LONRF1: variants seen among roughly 807,000 people sequenced by gnomAD.
LONRF1 encodes LON peptidase N-terminal domain and RING finger protein 1.
LONRF1 carries 37 observed loss-of-function variants against 85.8 expected under a neutral mutation model. The ratio of observed to expected loss-of-function variants is 0.43; its 90% CI spans 0.33 to 0.57. The LOEUF (loss-of-function observed/expected upper bound fraction) is 0.57, where lower values mean the gene tolerates loss of function less well. LONRF1 is among the 20% of genes least tolerant of loss of function. The pLI is 0.04. For missense variants in LONRF1, 1,036 were observed against 978.0 expected (o/e 1.06, Z -0.79); for synonymous variants, 517 against 390.1 (o/e 1.33, Z -3.83).
chr8:12,738,034 C>A lies in LONRF1; in HGVS notation c.1074G>T (p.Met358Ile). The change falls in exon 4 of 12, where the codon ATG becomes ATT. Residue 358 changes from methionine (M) to isoleucine (I), a missense_variant. By Grantham distance (10) the Met-to-Ile change is conservative (BLOSUM62 1). This residue lies in a region of LONRF1 where 742 missense variants were observed against 614.4 expected (regional missense o/e 1.21). Transcript: ENST00000398246. ...GTTCATTGAGAGACTGAGACTCTTCCATCACTGAATGAAAATCAAAAGGTC... is the reference window on the plus strand; with the variant it reads ...GTTCATTGAGAGACTGAGACTCTTCAATCACTGAATGAAAATCAAAAGGTC... ...KNRPFDFHSVMEESQSLNEPS... is the reference protein window; with the variant it reads ...KNRPFDFHSVIEESQSLNEPS... The A allele has an allele frequency of 6.2e-7, 1 of 1,610,624 alleles. No individual in the cohort carries two copies. Among genetic ancestry groups the A allele is most frequent in the Non-Finnish European group, 8.5e-7 (1 of 1,178,554 alleles).
chr8:12,751,296 GTTTTTTT>G (rs869038024), intron 1 of LONRF1, among the ~76,000 whole-genome samples: 8 of 69,558 alleles, frequency 1.2e-4, no homozygotes, highest in African/African-American at 3.1e-4. Flanking sequence ...TTATTTTTAT[GTTTTTTT>G]TTTTTTTTTT....
chr8:12,729,418 G>T, intron 8 of LONRF1, 86 bp from the exon 9 acceptor site: 1 of 1,319,472 alleles, frequency 7.6e-7, no homozygotes. Flanking sequence ...GTTTATAACA[G>T]TAATGAACTA....
At chr8:12,742,196 C>T (rs1419959320) in intron 2 of LONRF1, among the ~76,000 whole-genome samples, 3 of 152,220 alleles carry the variant, frequency 2.0e-5, no homozygotes, top group Non-Finnish European at 4.4e-5. Context: ...ACTAACCAGT[C>T]ATGCCATCAT....
Position 12,755,460 on chromosome 8 carries a change from G to A in LONRF1, c.-40C>T, listed in dbSNP as rs1422906299. 6 of 1,074,896 alleles carry A rather than the reference G, an allele frequency of 5.6e-6. No homozygotes were observed. The highest frequency in any genetic ancestry group is 1.7e-5 in the African/African-American group (1 of 59,034). The allele number at this position is 1,074,896 out of a possible 1,614,324, so 66.6% of individuals were successfully genotyped here. ...TGCGCCGCCGCCGCCCGCCGCCACG[G>A]TCCCGGAGCCTCCCGGGCGCGCGGC... On this transcript the variant is annotated 5_prime_UTR_variant, in exon 1 of 12. Coordinates refer to ENST00000398246, the MANE Select transcript of LONRF1 (RefSeq NM_152271.5).
At chr8:12,734,427 T>G (rs1400813396) in intron 7 of LONRF1, among the ~76,000 whole-genome samples, 2 of 152,136 alleles carry the variant, frequency 1.3e-5, no homozygotes, top group African/African-American at 2.4e-5. Flanking sequence ...TTTTAAGCAA[T>G]CCTGTCAATC....
intron 3 of LONRF1, chr8:12,738,524 T>A (rs1798808567): frequency 6.5e-6 from 1 of 153,510 alleles, no homozygotes; most frequent in South Asian, 2.0e-4. Context: ...AATGTATATT[T>A]ACGAAGTTGG....
chr8:12,754,473 G>A (rs1799547228), intron 1 of LONRF1: 2 of 416,092 alleles, frequency 4.8e-6, no homozygotes, highest in Non-Finnish European at 7.7e-6. Flanking sequence ...GCCCCTCCCC[G>A]CGCCGCGTCA....
At chr8:12,753,583 A>G (rs777817053) in intron 1 of LONRF1, 10 of 152,232 alleles carry the variant, frequency 6.6e-5, no homozygotes, top group Non-Finnish European at 1.2e-4. Flanking sequence ...CACCCCCACA[A>G]GAGGTGGCAA....
intron 2 of LONRF1, among the ~76,000 whole-genome samples, 180 bp downstream of exon 2, chr8:12,742,984 C>T (rs1013380197): frequency 6.6e-6 from 1 of 152,104 alleles, no homozygotes; most frequent in African/African-American, 2.4e-5. Context: ...ACTCAGCGTC[C>T]CAAATTGCTA....
At position 12,735,346 on chromosome 8, in the gene LONRF1, A is replaced by G; in HGVS notation, c.1506T>C (p.Cys502=). The G allele has an allele frequency of 6.2e-7, 1 of 1,608,622 alleles. No homozygotes were observed. Among genetic ancestry groups the G allele is most frequent in the Non-Finnish European group, 8.5e-7 (1 of 1,176,878 alleles). ...GTGCATGATCTAAACAACGCTCAAG[A>G]CAATTCTTACAGAACGAATGTCCGC... ...TPCGHSFCKN[C]LERCLDHAPY... Residue 502 remains cysteine, a synonymous_variant, in exon 7 of 12, where the codon TGT becomes TGC. Coordinates refer to ENST00000398246, the MANE Select transcript of LONRF1 (RefSeq NM_152271.5).
At chr8:12,724,135 T>G (rs374681036) in intron 11 of LONRF1, among the ~76,000 whole-genome samples, 1 of 152,330 alleles carries the variant, frequency 6.6e-6, no homozygotes, top group East Asian at 1.9e-4. Flanking sequence ...CATTGCTACC[T>G]CTTCATCTGC....
intron 1 of LONRF1, among the ~76,000 whole-genome samples, chr8:12,745,427 G>A (rs915348088): frequency 5.4e-5 from 8 of 149,082 alleles, no homozygotes; most frequent in East Asian, 2.0e-4. Flanking sequence ...ATTCTTAAGC[G>A]CCAAGTGCGC....
chr8:12,737,275 A>C, intron 4 of LONRF1, 135 bp from the exon 5 acceptor site: 1 of 1,052,920 alleles, frequency 9.5e-7, no homozygotes, highest in South Asian at 1.3e-5. Flanking sequence ...CACTAACTTG[A>C]TTCCAACACT....
intron 11 of LONRF1, among the ~76,000 whole-genome samples, chr8:12,725,519 G>GT (rs1413113411): frequency 1.3e-5 from 2 of 152,130 alleles, no homozygotes; most frequent in Non-Finnish European, 2.9e-5. Flanking sequence ...CAGCTGACAC[G>GT]TATTTCCAGC....
chr8:12,727,367 A>C (rs1479675917), intron 10 of LONRF1: 1 of 151,260 alleles, frequency 6.6e-6, no homozygotes, highest in South Asian at 2.1e-4. Flanking sequence ...TTAAAATTTC[A>C]TTAGAAGTCA....
intron 10 of LONRF1, among the ~76,000 whole-genome samples, chr8:12,728,564 T>C (rs1798407472): frequency 6.6e-6 from 1 of 152,150 alleles, no homozygotes; most frequent in African/African-American, 2.4e-5. Flanking sequence ...CTTAGATGGG[T>C]TGGAAGTTCA....
At chr8:12,734,632 C>T (rs1279413699) in intron 7 of LONRF1, among the ~76,000 whole-genome samples, 5 of 152,206 alleles carry the variant, frequency 3.3e-5, no homozygotes, top group African/African-American at 1.2e-4. Context: ...GCACTGATCA[C>T]TGACTCTACA....
intron 8 of LONRF1, among the ~76,000 whole-genome samples, chr8:12,731,482 G>A (rs147415638): frequency 8.6e-5 from 13 of 151,904 alleles, no homozygotes; most frequent in Non-Finnish European, 1.3e-4. Flanking sequence ...ACTGCCTGAT[G>A]GCACTGTAGG....
intron 1 of LONRF1, among the ~76,000 whole-genome samples, chr8:12,743,906 C>T (rs530356436): frequency 2.2e-4 from 33 of 152,058 alleles, no homozygotes; most frequent in Non-Finnish European, 4.6e-4. Flanking sequence ...TGAGAAAAAA[C>T]GCTTTGTGAT....
Sources: gnomAD v4.1 joint callset for allele counts (sites outside exome capture counted in the v4.1 genomes callset) on GRCh38, gnomAD v4.1.1 for gene constraint, gnomAD v4.1.1 regional missense constraint, MANE v1.5 for transcripts, NCBI Gene and HGNC (gene_info 2026-07-23, HGNC 2026-07-21) for gene names.